The following RAB40C variants were observed in gnomAD, a reference collection of about 807,000 sequenced individuals.
RAB40C encodes RAB40C, member RAS oncogene family, also known as ras-related protein Rab-40C.
In RAB40C, 8 loss-of-function variants were observed where a neutral mutation model predicts 28.1. The observed-to-expected ratio is 0.28, with a 90% CI of 0.17 to 0.51. The LOEUF (loss-of-function observed/expected upper bound fraction) is 0.51, where lower values mean the gene tolerates loss of function less well. RAB40C is among the 20% of genes least tolerant of loss of function. The pLI is 0.97. For synonymous variants in RAB40C, 201 were observed against 171.7 expected (o/e 1.17, Z -1.34); for missense variants, 288 against 405.9 (o/e 0.71, Z 2.50).
chr16:611,445 G>A (rs556889559), intron 1 of RAB40C, among the ~76,000 whole-genome samples: 1 of 152,354 alleles, frequency 6.6e-6, no homozygotes, highest in East Asian at 1.9e-4. Flanking sequence ...CCTCATGGGG[G>A]CTTCAACAGC....
chr16:621,375 G>A lies in RAB40C; in HGVS notation c.264+3115G>A, dbSNP rs186423042. ...GATGAGACACAGACTAGCAAGGACT[G>A]TCTGTCCCAGCCGGGATTTGTCACT... On this transcript the variant is annotated intron_variant, in intron 3 of 5. Transcript: ENST00000248139. Among the ~76,000 whole-genome samples, 4 of 152,364 alleles carry A rather than the reference G, an allele frequency of 2.6e-5. No homozygotes were observed. The East Asian group carries it at 5.8e-4, about 22-fold the overall frequency.
intron 1 of RAB40C, 28 bp downstream of exon 1, chr16:590,461 C>T: frequency 6.5e-7 from 1 of 1,533,134 alleles, no homozygotes. Context: ...GCGCGCGCTG[C>T]TACGCGGGGC....
intron 1 of RAB40C, among the ~76,000 whole-genome samples, chr16:603,862 C>A (rs1043936463): frequency 2.6e-5 from 4 of 152,144 alleles, no homozygotes; most frequent in Admixed American, 1.3e-4. Flanking sequence ...ACCCTGGTTT[C>A]TTTTGCTCAG....
In RAB40C at chr16:627,516, C is replaced by T; in HGVS notation, c.740C>T (p.Ala247Val). 2 of 1,613,736 alleles carry T rather than the reference C, an allele frequency of 1.2e-6. No individual in the cohort carries two copies. The highest frequency in any genetic ancestry group is 1.7e-6 in the Non-Finnish European group (2 of 1,179,996). ...CGTTCCTACTCCCTGGCCAGCGGGG[C>T]CGGGGGCGGCGGCAGCAAGGGCAAC... is the stretch of plus-strand genomic sequence containing the variant. ...HGRSYSLASG[A>V]GGGGSKGNSL... Residue 247 changes from alanine (A) to valine (V), a missense_variant, in exon 6 of 6, where the codon GCC becomes GTC. This residue lies in a region of RAB40C where 57 missense variants were observed against 55.3 expected (regional missense o/e 1.03). Coordinates refer to ENST00000248139, the MANE Select transcript of RAB40C (RefSeq NM_021168.5).
intron 1 of RAB40C, among the ~76,000 whole-genome samples, chr16:593,098 C>G (rs55703450): frequency 1.3e-5 from 2 of 152,148 alleles, no homozygotes; most frequent in African/African-American, 4.8e-5. Context: ...GAGAAGGAAG[C>G]GCCTCTGGGC....
intron 3 of RAB40C, 172 bp from the exon 4 acceptor site, chr16:625,260 G>A: frequency 2.8e-6 from 4 of 1,450,956 alleles, no homozygotes; most frequent in Non-Finnish European, 2.7e-6. Context: ...CAGGGGTGAG[G>A]GGCAGGGCTG....
intron 1 of RAB40C, among the ~76,000 whole-genome samples, chr16:592,823 C>T (rs1170538231): frequency 6.6e-6 from 1 of 152,266 alleles, no homozygotes. Context: ...ACCACACAGC[C>T]AGGAGCTGGA....
chr16:605,694 C>T (rs2036347545), intron 1 of RAB40C, among the ~76,000 whole-genome samples: 1 of 152,236 alleles, frequency 6.6e-6, no homozygotes, highest in South Asian at 2.1e-4. Context: ...ATTGGCTCCA[C>T]TCCAGATGGG....
In RAB40C at chr16:610,040, G is replaced by A. The variant is rs931349768; in HGVS notation, c.143-7168G>A. Among the ~76,000 whole-genome samples, 12 of 152,186 alleles carry A rather than the reference G, an allele frequency of 7.9e-5. No homozygotes were observed. The South Asian group carries it at 1.2e-3, about 16-fold the overall frequency. ...GTGAACGGCACCAGCCTGGTGGCTC[G>A]GGTGCCAGGCCAGGGCCAGATGTAG... On this transcript the variant is annotated intron_variant, in intron 1 of 5. Coordinates refer to ENST00000248139, the MANE Select transcript of RAB40C (RefSeq NM_021168.5). This position sits in a 1 kb window ranked among gnomAD's most constrained non-coding sequence, Gnocchi z 4.6.
rs149336685 is a variant in RAB40C at position 610,493 on chromosome 16, C to A, written c.143-6715C>A. On this transcript the variant is annotated intron_variant, in intron 1 of 5. Transcript: ENST00000248139. This position sits in a 1 kb window ranked among gnomAD's most constrained non-coding sequence, Gnocchi z 4.6. The stretch of plus-strand genomic sequence containing the variant: ...CGGAGCAGCTGACCTTCACTGGCGC[C>A]CTTGCCTTTTCACTGAGCCGGGTAT... Among the ~76,000 whole-genome samples, 974 of 152,252 alleles carry A rather than the reference C, an allele frequency of 6.4e-3. 8 individuals carry two copies. Among genetic ancestry groups the A allele is most frequent in the African/African-American group, 0.022 (922 of 41,528 alleles).
At chr16:591,204 A>G (rs2035988857) in intron 1 of RAB40C, among the ~76,000 whole-genome samples, 1 of 143,510 alleles carries the variant, frequency 7.0e-6, no homozygotes, top group Non-Finnish European at 1.5e-5. Flanking sequence ...GGAAGGTGTC[A>G]TGGTCTGGGA....
intron 3 of RAB40C, among the ~76,000 whole-genome samples, chr16:619,424 G>T (rs575495558): frequency 6.6e-6 from 1 of 152,178 alleles, no homozygotes; most frequent in African/African-American, 2.4e-5. Context: ...GGCCACCCTC[G>T]TTTCTGTCTC....
intron 1 of RAB40C, among the ~76,000 whole-genome samples, chr16:599,584 C>T (rs55944622): frequency 6.8e-6 from 1 of 147,692 alleles, no homozygotes; most frequent in Non-Finnish European, 1.5e-5. Context: ...AGGTTTTGTT[C>T]CCTCGTGGCA....
chr16:605,139 C>T (rs756192543), intron 1 of RAB40C, among the ~76,000 whole-genome samples: 1 of 152,168 alleles, frequency 6.6e-6, no homozygotes, highest in African/African-American at 2.4e-5. Flanking sequence ...GCAGGAGGAT[C>T]GTGTGAGCCC....
chr16:604,604 A>G (rs62030912), intron 1 of RAB40C, among the ~76,000 whole-genome samples: 13 of 151,190 alleles, frequency 8.6e-5, no homozygotes, highest in South Asian at 2.1e-4. Context: ...GTCCTTCTGA[A>G]GGTGTTTCTC....
At chr16:604,104 A>G (rs2036309717) in intron 1 of RAB40C, among the ~76,000 whole-genome samples, 1 of 144,906 alleles carries the variant, frequency 6.9e-6, no homozygotes, top group South Asian at 2.2e-4. Context: ...CCCCAGCTGG[A>G]GTGCAGTGGT....
At chr16:607,845 AAAAG>A (rs764557861) in intron 1 of RAB40C, among the ~76,000 whole-genome samples, 4 of 152,316 alleles carry the variant, frequency 2.6e-5, no homozygotes, top group African/African-American at 4.8e-5. Context: ...ACAAAAAAGA[AAAAG>A]AAAAGAAAAC....
chr16:626,893 G>A (rs951611627), intron 5 of RAB40C, among the ~76,000 whole-genome samples: 8 of 152,336 alleles, frequency 5.3e-5, no homozygotes, highest in South Asian at 2.1e-4. Context: ...AGCGGAGATC[G>A]TGCCACGGCA....
intron 1 of RAB40C, among the ~76,000 whole-genome samples, chr16:591,778 G>C (rs552924716): frequency 2.6e-5 from 4 of 152,016 alleles, no homozygotes; most frequent in Non-Finnish European, 5.9e-5. Context: ...GTGTATTTTA[G>C]TAGAGACGGG....
Sources: allele counts gnomAD v4.1 joint callset (sites outside exome capture counted in the v4.1 genomes callset), GRCh38; gene constraint gnomAD v4.1.1; regional missense constraint gnomAD v4.1.1; non-coding constraint Gnocchi (gnomAD v3.1); transcripts MANE v1.5; gene names NCBI Gene and HGNC (gene_info 2026-07-23, HGNC 2026-07-21).